CDX2: variants seen among roughly 807,000 people sequenced by gnomAD.
CDX2 encodes the protein caudal type homeobox 2.
A neutral mutation model predicts 25.5 loss-of-function variants in CDX2; 7 were observed. That is an observed-to-expected ratio of 0.27 (90% confidence interval 0.16 to 0.52). The LOEUF is 0.52. CDX2 is among the 20% of genes least tolerant of loss of function. The pLI, the probability that CDX2 is intolerant of heterozygous loss-of-function variation, is 0.97. For synonymous variants in CDX2, 222 were observed against 198.6 expected (o/e 1.12, Z -0.99); for missense variants, 375 against 431.4 (o/e 0.87, Z 1.16).
chr13:27,967,347 C>A (rs1304507735), intron 1 of CDX2: 1 of 522,432 alleles, frequency 1.9e-6, no homozygotes, highest in South Asian at 1.5e-5. Context: ...AACCGATGCC[C>A]AGAGACAGCC....
chr13:27,965,915 T>G (rs2137539458), intron 1 of CDX2, among the ~76,000 whole-genome samples: 1 of 152,370 alleles, frequency 6.6e-6, no homozygotes, highest in East Asian at 1.9e-4. Context: ...CTTTTGGGTC[T>G]TCTTGCAGCT....
intron 1 of CDX2, among the ~76,000 whole-genome samples, chr13:27,967,763 C>G (rs1465730162): frequency 1.3e-5 from 2 of 152,218 alleles, no homozygotes; most frequent in African/African-American, 2.4e-5. Context: ...AGACGCCTGC[C>G]CCTAGGCTTC....
Position 27,962,996 on chromosome 13 carries a change from A to G in CDX2, c.*119T>C, listed in dbSNP as rs1869129037. The G allele has an allele frequency of 8.3e-7, 1 of 1,210,630 alleles. No individual in the cohort carries two copies. The highest frequency in any genetic ancestry group is 1.1e-6 in the Non-Finnish European group (1 of 939,426). 75.0% of individuals were successfully genotyped at this position (1,210,630 alleles called of 1,614,324 possible). On this transcript the variant is annotated 3_prime_UTR_variant, in exon 3 of 3. Coordinates refer to ENST00000381020, the MANE Select transcript of CDX2 (RefSeq NM_001265.6). ...GGCTCCCATTTTTCCTCTGAGAGCC[A>G]GGTCTGTAGGTCTATGGCTGTGGGT...
chr13:27,965,145 T>A, intron 1 of CDX2, 130 bp from the exon 2 acceptor site: 3 of 967,056 alleles, frequency 3.1e-6, no homozygotes, highest in Non-Finnish European at 4.6e-6. Flanking sequence ...TTTGGCTGGT[T>A]CCTGCCAAGT....
intron 2 of CDX2, 44 bp from the exon 3 acceptor site, chr13:27,963,413 T>C: frequency 6.8e-7 from 1 of 1,463,242 alleles, no homozygotes; most frequent in Non-Finnish European, 9.2e-7. Context: ...GGTGAAGATG[T>C]GAGGGAAAAG....
Position 27,968,805 on chromosome 13 carries a change from C to T in CDX2, c.202G>A (p.Ala68Thr). The T allele has an allele frequency of 6.5e-7, 1 of 1,536,718 alleles. No individual in the cohort carries two copies. ...AQSPGPSWPA[A>T]YGAPLREDWN... is the part of the protein sequence containing the mutation. ...TCCTCCCGGAGTGGGGCGCCATACG[C>T]TGCCGGCCAGGATGGCCCCGGGGAC... Residue 68 changes from alanine (A) to threonine (T), a missense_variant, in exon 1 of 3, where the codon GCG becomes ACG. Coordinates refer to ENST00000381020, the MANE Select transcript of CDX2 (RefSeq NM_001265.6).
rs1215733112 is a variant in CDX2 at position 27,969,016 on chromosome 13, G to A, written c.-10C>T. 1 of 1,589,934 alleles carries A rather than the reference G, an allele frequency of 6.3e-7. No individual in the cohort carries two copies. The highest frequency in any genetic ancestry group is 8.5e-7 in the Non-Finnish European group (1 of 1,174,030). Reference sequence around the variant, plus strand: ...GGTAGCTCACGTACATGGTGGCGAGGGTCCGGGAGCAGACCTCACCATGCT... The same window carrying A: ...GGTAGCTCACGTACATGGTGGCGAGAGTCCGGGAGCAGACCTCACCATGCT... On this transcript the variant is annotated 5_prime_UTR_variant, in exon 1 of 3. Transcript: ENST00000381020.
At chr13:27,968,201 G>A (rs967752837) in intron 1 of CDX2, among the ~76,000 whole-genome samples, 3 of 152,260 alleles carry the variant, frequency 2.0e-5, no homozygotes, top group Non-Finnish European at 4.4e-5. Flanking sequence ...AAGGTGTCCC[G>A]GGGTTGCGAA....
At chr13:27,963,999 A>T (rs542269301) in intron 2 of CDX2, among the ~76,000 whole-genome samples, 2 of 152,344 alleles carry the variant, frequency 1.3e-5, no homozygotes, top group Non-Finnish European at 2.9e-5. Flanking sequence ...GATTAAACTA[A>T]TACCCTTGGC....
Position 27,963,301 on chromosome 13 carries a change from T to C in CDX2, c.756A>G (p.Gln252=). The part of the protein sequence containing the change: ...RKINKKKLQQ[Q]QQQQPPQPPP... ...GCGGCTGTGGTGGCTGCTGCTGCTGTTGCTGCTGCAACTTCTTCTTGTTGA... is the reference window on the plus strand; with the variant it reads ...GCGGCTGTGGTGGCTGCTGCTGCTGCTGCTGCTGCAACTTCTTCTTGTTGA... Residue 252 remains glutamine (Q), a synonymous_variant, in exon 3 of 3, where the codon CAA becomes CAG. Coordinates refer to ENST00000381020, the MANE Select transcript of CDX2 (RefSeq NM_001265.6). 1 of 1,613,406 alleles carries C rather than the reference T, an allele frequency of 6.2e-7. No homozygotes were observed. The highest frequency in any genetic ancestry group is 8.5e-7 in the Non-Finnish European group (1 of 1,179,356).
In CDX2 at chr13:27,961,002, C is replaced by G. The variant is rs1869017269; in HGVS notation, c.*2113G>C. ...CGGCTAGGGGGCGGGCCTGTGGGCG[C>G]GGCCGGGGCGCGGGGAGACCTGCGG... On this transcript the variant is annotated 3_prime_UTR_variant, in exon 3 of 3. Transcript: ENST00000381020. Among the ~76,000 whole-genome samples, 1 of 152,220 alleles carries G rather than the reference C, an allele frequency of 6.6e-6. No individual in the cohort carries two copies. Among genetic ancestry groups the G allele is most frequent in the Non-Finnish European group, 1.5e-5 (1 of 68,036 alleles).
Position 27,964,863 on chromosome 13 carries a change from T to TC in CDX2, c.687+6dup, listed in dbSNP as rs1413060634. ...GGCCCGCCCGGAGGGAGCTAGGCGG[T>TC]CCCCACCTGCCTCTCAGAGAGCCCC... On this transcript the variant is annotated splice_region_variant and intron_variant, in intron 2 of 2. Coordinates refer to ENST00000381020, the MANE Select transcript of CDX2 (RefSeq NM_001265.6). The surrounding 1 kb of genome is among the most constrained non-coding windows in gnomAD (Gnocchi z 4.7). 1 of 1,613,178 alleles carries TC rather than the reference T, an allele frequency of 6.2e-7. No homozygotes were observed. The highest frequency in any genetic ancestry group is 1.7e-5 in the Admixed American group (1 of 59,990).
At chr13:27,965,122 T>C (rs1366743282) in intron 1 of CDX2, 107 bp from the exon 2 acceptor site, 14 of 1,262,686 alleles carry the variant, frequency 1.1e-5, no homozygotes, top group Non-Finnish European at 1.4e-5. Flanking sequence ...TCCACCACCC[T>C]GGGGGGCCCG....
Position 27,968,667 on chromosome 13 carries a change from G to T in CDX2, c.340C>A (p.His114Asn). The T allele has an allele frequency of 6.5e-7, 1 of 1,533,874 alleles. No individual in the cohort carries two copies. Among genetic ancestry groups the T allele is most frequent in the Non-Finnish European group, 8.7e-7 (1 of 1,144,842 alleles). ...AMGYSSPADY[H>N]PHHHPHHHPH... is the part of the protein sequence containing the mutation. ...TGGTGATGCGGGTGGTGGTGCGGAT[G>T]GTAGTCTGCGGGGCTGCTGTAGCCC... Residue 114 changes from histidine to asparagine, a missense_variant, in exon 1 of 3, where the codon CAT becomes AAT. Physicochemically the swap from His to Asn is moderately conservative, Grantham distance 68. This residue lies in a region of CDX2 where 253 missense variants were observed against 247.5 expected (regional missense o/e 1.02). Transcript: ENST00000381020.
At chr13:27,966,903 G>C (rs1314033809) in intron 1 of CDX2, among the ~76,000 whole-genome samples, 2 of 151,204 alleles carry the variant, frequency 1.3e-5, no homozygotes, top group Non-Finnish European at 2.9e-5. Context: ...GCTCCGCAGA[G>C]GAGCCCGGCT....
Position 27,968,460 on chromosome 13 carries a change from G to GC in CDX2, c.541+5dup. 1 of 1,539,564 alleles carries GC rather than the reference G, an allele frequency of 6.5e-7. No individual in the cohort carries two copies. Among genetic ancestry groups the GC allele is most frequent in the Non-Finnish European group, 8.6e-7 (1 of 1,156,976 alleles). ...CACCCTCCGAAGGGGCGCAGCCTCTGCTTACCTTGGCTGCCGAGGGACTGC... is the reference window on the plus strand; with the variant it reads ...CACCCTCCGAAGGGGCGCAGCCTCTGCCTTACCTTGGCTGCCGAGGGACTGC... On this transcript the variant is annotated splice_donor_region_variant and intron_variant, in intron 1 of 2. Coordinates refer to ENST00000381020, the MANE Select transcript of CDX2 (RefSeq NM_001265.6).
At chr13:27,963,604 G>A (rs566960440) in intron 2 of CDX2, among the ~76,000 whole-genome samples, 1 of 152,222 alleles carries the variant, frequency 6.6e-6, no homozygotes, top group South Asian at 2.1e-4. Flanking sequence ...TCTTTTCAAA[G>A]CAACTTTTAT....
chr13:27,969,068 C>T lies in CDX2; in HGVS notation c.-62G>A, dbSNP rs1869505122. 7.4e-7 allele frequency: 1 copy of T among 1,345,830 alleles called. No individual in the cohort carries two copies. The highest frequency in any genetic ancestry group is 1.0e-6 in the Non-Finnish European group (1 of 976,982). The allele number at this position is 1,345,830 out of a possible 1,614,324, so 83.4% of individuals were successfully genotyped here. A position where few individuals can be genotyped will look rare whatever the true frequency, so the allele number is the denominator to read the frequency against. ...CCTGGGGACCGACGCTGGAGGCTGC[C>T]GGGGGGCACGAAGGGAAAGGGGCGA... is the stretch of plus-strand genomic sequence containing the variant. On this transcript the variant is annotated 5_prime_UTR_variant, in exon 1 of 3. Coordinates refer to ENST00000381020, the MANE Select transcript of CDX2 (RefSeq NM_001265.6).
At position 27,964,916 on chromosome 13, in the gene CDX2, C is replaced by A; in HGVS notation, c.641G>T (p.Arg214Leu). ...EFHYSRYITI[R>L]RKAELAATLG... ...CGTGGCGGCTAGCTCGGCTTTCCTC[C>A]GGATGGTGATGTAGCGACTGTAGTG... The change falls in exon 2 of 3, where the codon CGG (arginine) becomes CTG (leucine). Residue 214 changes from arginine (R) to leucine (L), a missense_variant. By Grantham distance (102) the Arg-to-Leu change is moderately radical (BLOSUM62 -2). Transcript: ENST00000381020. The surrounding 1 kb of genome is among the most constrained non-coding windows in gnomAD (Gnocchi z 4.7). The A allele has an allele frequency of 6.2e-7, 1 of 1,614,106 alleles. No homozygotes were observed.
Sources: gnomAD v4.1 joint callset for allele counts (sites outside exome capture counted in the v4.1 genomes callset) on GRCh38, gnomAD v4.1.1 for gene constraint, gnomAD v4.1.1 regional missense constraint, Gnocchi (gnomAD v3.1) non-coding constraint, MANE v1.5 for transcripts, NCBI Gene and HGNC (gene_info 2026-07-23, HGNC 2026-07-21) for gene names.